The following ATP11B variants were observed in gnomAD, a reference collection of about 807,000 sequenced individuals.
ATP11B encodes phospholipid-transporting ATPase IF.
ATP11B carries 81 observed loss-of-function variants against 157.8 expected under a neutral mutation model. The observed-to-expected ratio is 0.51, with a 90% CI of 0.43 to 0.62. The LOEUF (loss-of-function observed/expected upper bound fraction) is 0.62. ATP11B is among the 20% of genes least tolerant of loss of function. The pLI is 0.00. For missense variants in ATP11B, 1,165 were observed against 1,402.2 expected (o/e 0.83, Z 2.70); for synonymous variants, 451 against 469.4 (o/e 0.96, Z 0.51).
chr3:182,888,846 C>T (rs1013544650), intron 24 of ATP11B, among the ~76,000 whole-genome samples: 1 of 150,000 alleles, frequency 6.7e-6, no homozygotes, highest in African/African-American at 2.5e-5. Flanking sequence ...CCATGCCCAG[C>T]CTATCATATT....
chr3:182,897,796 C>T (rs1486860661), intron 27 of ATP11B, among the ~76,000 whole-genome samples: 1 of 151,910 alleles, frequency 6.6e-6, no homozygotes, highest in African/African-American at 2.4e-5. Context: ...TAAAGTAAGT[C>T]ACATAGAACC....
chr3:182,801,121 A>G (rs1356799138), intron 1 of ATP11B, among the ~76,000 whole-genome samples: 3 of 152,160 alleles, frequency 2.0e-5, no homozygotes, highest in Admixed American at 6.5e-5. Flanking sequence ...AATTTTTAGC[A>G]TGTAGTTTAT....
At position 182,921,138 on chromosome 3, in the gene ATP11B, G is replaced by C. The variant is rs1395814762; in HGVS notation, c.*3034G>C. On this transcript the variant is annotated 3_prime_UTR_variant, in exon 30 of 30. Coordinates refer to ENST00000323116, the MANE Select transcript of ATP11B (RefSeq NM_014616.3). ...TGCTACTCTGAAAAATCTCGTGAAG[G>C]CTGTAGGAAAAGGGAGAATCTTCCA... is the stretch of plus-strand genomic sequence containing the variant. The C allele has an allele frequency of 6.6e-6, 1 of 152,174 alleles. No homozygotes were observed. Among genetic ancestry groups the C allele is most frequent in the African/African-American group, 2.4e-5 (1 of 41,442 alleles). 9.4% of individuals were successfully genotyped at this position (152,174 alleles called of 1,614,324 possible). A position where few individuals can be genotyped will look rare whatever the true frequency, so the allele number is the denominator to read the frequency against.
chr3:182,825,025 C>A (rs9822316), intron 2 of ATP11B, among the ~76,000 whole-genome samples: 95,558 of 152,038 alleles, frequency 0.63, 31,893 homozygotes, highest in Non-Finnish European at 0.76. Context: ...ATAAATGAAG[C>A]CTGCTTCTCA....
intron 10 of ATP11B, among the ~76,000 whole-genome samples, chr3:182,850,554 A>G (rs989779933): frequency 6.6e-5 from 10 of 152,200 alleles, no homozygotes; most frequent in Non-Finnish European, 1.5e-4. Context: ...CTATTATTAA[A>G]AAGACAAAAA....
chr3:182,828,237 T>C lies in ATP11B; in HGVS notation c.234+28T>C, dbSNP rs755368357. ...AAGCTTTATTACTCAATCTTAAGTT[T>C]GTAAACATAGTTTCTAAAAATATGT... is the stretch of plus-strand genomic sequence containing the variant. On this transcript the variant is annotated intron_variant, in intron 3 of 29. Coordinates refer to ENST00000323116, the MANE Select transcript of ATP11B (RefSeq NM_014616.3). The C allele has an allele frequency of 8.6e-6, 9 of 1,041,456 alleles. No homozygotes were observed. In the African/African-American group the frequency reaches 9.9e-5, roughly 11 times the overall value. The allele number at this position is 1,041,456 out of a possible 1,614,324, so 64.5% of individuals were successfully genotyped here.
chr3:182,883,812 G>C (rs967062827), intron 21 of ATP11B, among the ~76,000 whole-genome samples: 1 of 150,350 alleles, frequency 6.7e-6, no homozygotes, highest in African/African-American at 2.4e-5. Context: ...AAAATTAGCC[G>C]GGCGTAGTGG....
chr3:182,794,144 G>C (rs538809740), intron 1 of ATP11B, among the ~76,000 whole-genome samples: 1 of 152,386 alleles, frequency 6.6e-6, no homozygotes, highest in Admixed American at 6.5e-5. Context: ...AGGGAGCTGA[G>C]CGAGAGTAGG....
chr3:182,798,296 T>C (rs1715759715), intron 1 of ATP11B, among the ~76,000 whole-genome samples: 1 of 152,244 alleles, frequency 6.6e-6, no homozygotes, highest in South Asian at 2.1e-4. Flanking sequence ...GGTATTCACC[T>C]GCCAAATGTT....
chr3:182,911,099 A>G (rs754525034), intron 28 of ATP11B, among the ~76,000 whole-genome samples: 26 of 152,252 alleles, frequency 1.7e-4, no homozygotes, highest in Non-Finnish European at 2.8e-4. Flanking sequence ...GCATTGATCT[A>G]TGGACCACAC....
chr3:182,818,643 A>AC (rs1171945684), intron 1 of ATP11B, among the ~76,000 whole-genome samples: 2 of 152,230 alleles, frequency 1.3e-5, no homozygotes, highest in African/African-American at 4.8e-5. Context: ...ACAGTTGAAT[A>AC]CCGTACATAA....
chr3:182,877,624 A>G (rs974015856), intron 19 of ATP11B, among the ~76,000 whole-genome samples: 9 of 152,156 alleles, frequency 5.9e-5, no homozygotes, highest in Admixed American at 5.9e-4. Flanking sequence ...CCTGGGTGAC[A>G]GAGTGAGTTG....
At position 182,845,473 on chromosome 3, in the gene ATP11B, G is replaced by A; in HGVS notation, c.720G>A (p.Glu240=). ...TTTTTCCTAGACCTCTGGGGCCGGAGAGTCTCCTGCTTCGTGGAGCCAGAT... is the reference window on the plus strand; with the variant it reads ...TTTTTCCTAGACCTCTGGGGCCGGAAAGTCTCCTGCTTCGTGGAGCCAGAT... ...MEEIVRPLGP[E]SLLLRGARLK... The change falls in exon 9 of 30, where the codon GAG becomes GAA. Residue 240 remains glutamate (E), a synonymous_variant. Coordinates refer to ENST00000323116, the MANE Select transcript of ATP11B (RefSeq NM_014616.3). The A allele has an allele frequency of 6.2e-7, 1 of 1,600,106 alleles. No homozygotes were observed. Among genetic ancestry groups the A allele is most frequent in the Non-Finnish European group, 8.5e-7 (1 of 1,176,876 alleles).
At chr3:182,876,307 C>T (rs914153473) in intron 19 of ATP11B, among the ~76,000 whole-genome samples, 4 of 152,236 alleles carry the variant, frequency 2.6e-5, no homozygotes, top group South Asian at 2.1e-4. Context: ...TGGTTAATAA[C>T]AAAGTCATCA....
At chr3:182,812,182 T>C (rs1283224202) in intron 1 of ATP11B, among the ~76,000 whole-genome samples, 1 of 152,192 alleles carries the variant, frequency 6.6e-6, no homozygotes, top group Non-Finnish European at 1.5e-5. Context: ...TTTGAAGATA[T>C]TGTGAAAAAG....
At chr3:182,853,243 C>T (rs904629821) in intron 10 of ATP11B, among the ~76,000 whole-genome samples, 7 of 152,134 alleles carry the variant, frequency 4.6e-5, no homozygotes, top group African/African-American at 1.7e-4. Context: ...GAGTCTCACT[C>T]TGTCACCAGG....
At chr3:182,816,175 A>G (rs1716959870) in intron 1 of ATP11B, among the ~76,000 whole-genome samples, 1 of 152,170 alleles carries the variant, frequency 6.6e-6, no homozygotes, top group African/African-American at 2.4e-5. Context: ...TGAATTTCAT[A>G]ATTTTTAAGA....
At chr3:182,799,906 GT>G (rs1440958201) in intron 1 of ATP11B, among the ~76,000 whole-genome samples, 1 of 152,118 alleles carries the variant, frequency 6.6e-6, no homozygotes, top group Non-Finnish European at 1.5e-5. Flanking sequence ...TGGGCCAGGA[GT>G]TTAAGGCCAG....
intron 19 of ATP11B, among the ~76,000 whole-genome samples, chr3:182,877,039 C>A (rs1722092982): frequency 6.6e-6 from 1 of 152,190 alleles, no homozygotes; most frequent in Non-Finnish European, 1.5e-5. Context: ...GTATATATAT[C>A]CATTCCTTCA....
Sources: allele counts gnomAD v4.1 joint callset (sites outside exome capture counted in the v4.1 genomes callset), GRCh38; gene constraint gnomAD v4.1.1; transcripts MANE v1.5; gene names NCBI Gene and HGNC (gene_info 2026-07-23, HGNC 2026-07-21).